The following NRG4 variants were observed in gnomAD, a reference collection of about 807,000 sequenced individuals.
NRG4 encodes pro-neuregulin-4, membrane-bound isoform.
In NRG4, 10 loss-of-function variants were observed where a neutral mutation model predicts 15.0. The ratio of observed to expected loss-of-function variants is 0.67; its 90% confidence interval spans 0.41 to 1.13. The LOEUF is 1.13. Ranked by LOEUF, NRG4 falls within the 50% of genes most tolerant of loss-of-function variation. NRG4 has a pLI of 0.00. For missense variants in NRG4, 139 were observed against 140.2 expected, an observed-to-expected ratio of 0.99 and a Z score of 0.04; for synonymous variants, 41 against 50.1, an observed-to-expected ratio of 0.82 and a Z score of 0.77.
rs35017424 is a variant in NRG4, at chr15:76,044,840, C to CAA, written c.-105+7225_-105+7226dup. Among the ~76,000 whole-genome samples, 297 of 62,516 alleles carry CAA rather than the reference C, an allele frequency of 4.8e-3. 3 individuals carry two copies. Among genetic ancestry groups the CAA allele is most frequent in the African/African-American group, 0.016 (273 of 17,460 alleles). The allele number at this position is 62,516 out of a possible 152,430, so 41.0% of individuals were successfully genotyped here. On this transcript the variant is annotated intron_variant, in intron 4 of 8. Coordinates refer to the NRG4 transcript ENST00000563910. ...TGGGCGACAGAGCGAGACTCTGTCTCAAAAAAAAAAAAAAAAAGATTTCTT... is the reference window on the plus strand; with the variant it reads ...TGGGCGACAGAGCGAGACTCTGTCTCAAAAAAAAAAAAAAAAAAAGATTTCTT...
chr15:75,974,800 C>T (rs530732541), intron 3 of NRG4, among the ~76,000 whole-genome samples: 17 of 152,046 alleles, frequency 1.1e-4, no homozygotes, highest in Admixed American at 2.0e-4. Context: ...AGAATAAGTG[C>T]GATGTGGTGC....
Position 75,980,566 on chromosome 15 carries a change from G to A in NRG4, c.105-18592C>T, listed in dbSNP as rs74446314. 2.2e-4 allele frequency among the ~76,000 whole-genome samples: 34 copies of A among 152,202 alleles called. No individual in the cohort carries two copies. The East Asian group carries it at 6.6e-3, about 29-fold the overall frequency. ...AATACACTCAGTATGAATGTCAGGC[G>A]TAATCTAGGGTATCTCCAAGCCAAA... is the stretch of plus-strand genomic sequence containing the variant. On this transcript the variant is annotated intron_variant, in intron 3 of 5. Transcript: ENST00000394907.
intron 3 of NRG4, among the ~76,000 whole-genome samples, chr15:75,995,059 G>A (rs931234561): frequency 2.6e-5 from 4 of 151,920 alleles, no homozygotes; most frequent in East Asian, 1.9e-4. Context: ...ATGGTGGCAC[G>A]TGCCTCTAGT....
intron 5 of NRG4, among the ~76,000 whole-genome samples, chr15:76,033,609 G>T (rs757051333): frequency 6.6e-6 from 1 of 152,166 alleles, no homozygotes; most frequent in Admixed American, 6.5e-5. Flanking sequence ...ACAAAATCTT[G>T]AACAGAGCAA....
At chr15:76,002,887 T>G (rs569950116) in intron 3 of NRG4, among the ~76,000 whole-genome samples, 1 of 152,302 alleles carries the variant, frequency 6.6e-6, no homozygotes, top group African/African-American at 2.4e-5. Context: ...TTGAAGATGT[T>G]AATATACATA....
At chr15:75,966,988 G>A (rs748603242) in intron 3 of NRG4, among the ~76,000 whole-genome samples, 4 of 151,724 alleles carry the variant, frequency 2.6e-5, no homozygotes, top group Non-Finnish European at 5.9e-5. Flanking sequence ...GGTGGTAGGC[G>A]CCTGTAATCC....
chr15:76,021,851 C>G (rs2035163724), intron 5 of NRG4, among the ~76,000 whole-genome samples: 1 of 152,132 alleles, frequency 6.6e-6, no homozygotes, highest in South Asian at 2.1e-4. Context: ...AGTCAGTGGT[C>G]CCCAGTCTTT....
chr15:76,035,809 G>A (rs1224822589), intron 5 of NRG4: 1 of 152,148 alleles, frequency 6.6e-6, no homozygotes. Flanking sequence ...CGGGCCCTGG[G>A]GTGGAGGCTA....
chr15:75,990,058 T>G (rs563267518), intron 3 of NRG4, among the ~76,000 whole-genome samples: 1 of 152,284 alleles, frequency 6.6e-6, no homozygotes, highest in South Asian at 2.1e-4. Context: ...CCAAGGACAC[T>G]TCACTCTAGC....
intron 2 of NRG4, 21 bp downstream of exon 2, chr15:76,011,198 CAT>C (rs1367217410): frequency 7.1e-7 from 1 of 1,414,796 alleles, no homozygotes; most frequent in Non-Finnish European, 9.4e-7. Context: ...TTGACAAAAA[CAT>C]ATAAATATAT....
chr15:76,051,405 T>TG (rs1228232188), intron 4 of NRG4, among the ~76,000 whole-genome samples: 15 of 150,698 alleles, frequency 1.0e-4, no homozygotes, highest in African/African-American at 3.7e-4. Context: ...CTTCCCAAAG[T>TG]GCTGTGATTA....
At chr15:76,019,603 C>T (rs2035089921) in intron 5 of NRG4, among the ~76,000 whole-genome samples, 1 of 152,166 alleles carries the variant, frequency 6.6e-6, no homozygotes, top group African/African-American at 2.4e-5. Context: ...GGGGGTAGTT[C>T]CCCAATCCCT....
At position 76,056,395 on chromosome 15, in the gene NRG4, T is replaced by G. The variant is rs7176992; in HGVS notation, c.-262+559A>C. 5.7e-3 allele frequency among the ~76,000 whole-genome samples: 861 copies of G among 152,012 alleles called. 5 individuals carry two copies. The highest frequency in any genetic ancestry group is 0.02 in the African/African-American group (811 of 41,472). ...ATTGCTTGAACCTGGGAGGCGGAGA[T>G]TGCAGTCAGCCGAGATTGCGCCATT... On this transcript the variant is annotated intron_variant, in intron 2 of 8. Coordinates refer to the NRG4 transcript ENST00000563910.
intron 1 of NRG4, among the ~76,000 whole-genome samples, chr15:76,058,138 T>C (rs2036198903): frequency 6.6e-6 from 1 of 152,194 alleles, no homozygotes; most frequent in African/African-American, 2.4e-5. Flanking sequence ...GCCAAAGCTT[T>C]TTCTAAAGAA....
chr15:76,012,242 T>C (rs2034836997), intron 1 of NRG4, 77 bp downstream of exon 1: 2 of 152,122 alleles, frequency 1.3e-5, no homozygotes, highest in Non-Finnish European at 2.9e-5. Flanking sequence ...ATTAAATCTA[T>C]TTGATTTTTA....
Position 76,019,262 on chromosome 15 carries a change from C to G in NRG4, c.-56-7976G>C, listed in dbSNP as rs997729723. Reference sequence around the variant, plus strand: ...TTTCAAGCCAGTGGATTTTAGCTTGCTGGGCTCCGTGGGGGTGGGATCTGC... The same window carrying G: ...TTTCAAGCCAGTGGATTTTAGCTTGGTGGGCTCCGTGGGGGTGGGATCTGC... On this transcript the variant is annotated intron_variant, in intron 5 of 8. Transcript: ENST00000563910. 1.9e-4 allele frequency among the ~76,000 whole-genome samples: 29 copies of G among 152,150 alleles called. 1 individual carries two copies. Among genetic ancestry groups the G allele is most frequent in the African/African-American group, 6.5e-4 (27 of 41,436 alleles).
intron 5 of NRG4, among the ~76,000 whole-genome samples, chr15:76,031,077 TA>T (rs2035459373): frequency 6.6e-6 from 1 of 152,128 alleles, no homozygotes; most frequent in Non-Finnish European, 1.5e-5. Context: ...ATGTGTGAAT[TA>T]ATACAATTCA....
intron 3 of NRG4, among the ~76,000 whole-genome samples, chr15:76,000,779 A>G (rs1567102171): frequency 6.6e-6 from 1 of 152,188 alleles, no homozygotes; most frequent in Non-Finnish European, 1.5e-5. Context: ...CTGTGTGTAC[A>G]ATACTCATTA....
intron 3 of NRG4, chr15:75,971,162 TTA>T: frequency 4.7e-6 from 2 of 424,158 alleles, no homozygotes; most frequent in Non-Finnish European, 4.7e-6. Flanking sequence ...ACATGTTTGA[TTA>T]CCTGTACATA....
Sources: gnomAD v4.1 joint callset for allele counts (sites outside exome capture counted in the v4.1 genomes callset) on GRCh38, gnomAD v4.1.1 for gene constraint, MANE v1.5 for transcripts, NCBI Gene and HGNC (gene_info 2026-07-23, HGNC 2026-07-21) for gene names.